NHERF2: variants seen among roughly 807,000 people sequenced by gnomAD.
NHERF2 encodes the protein Na(+)/H(+) exchange regulatory cofactor NHE-RF2.
At chr16:2,032,079 G>A in the NHERF2 span, among the ~76,000 whole-genome samples, 2 of 150,358 alleles carry the variant, frequency 1.3e-5, no homozygotes, top group East Asian at 2.0e-4. This position sits in a 1 kb window ranked among gnomAD's most constrained non-coding sequence, Gnocchi z 4.0. Context: ...GAGTGCTGTG[G>A]TGCGATCTCG....
At chr16:2,028,235 C>T in the NHERF2 span, among the ~76,000 whole-genome samples, 1 of 152,236 alleles carries the variant, frequency 6.6e-6, no homozygotes, top group African/African-American at 2.4e-5. Flanking sequence ...TCCTGTTTAC[C>T]TGGTGCCTTG....
chr16:2,035,814 G>T, the NHERF2 span: 15 of 428,978 alleles, frequency 3.5e-5, no homozygotes, highest in South Asian at 9.9e-5. Flanking sequence ...CACGGGGGTG[G>T]GGCGGCTCAT....
chr16:2,028,605 G>T, the NHERF2 span, among the ~76,000 whole-genome samples: 2 of 152,170 alleles, frequency 1.3e-5, no homozygotes, highest in African/African-American at 2.4e-5. Flanking sequence ...GAAGCAGCTG[G>T]GCACTGGGTT....
At chr16:2,035,158 A>G in the NHERF2 span, among the ~76,000 whole-genome samples, 15 of 152,172 alleles carry the variant, frequency 9.9e-5, no homozygotes, top group South Asian at 2.9e-3. Context: ...GGACAGGAGA[A>G]GGGTGTTCCA....
At chr16:2,036,520 G>A in the NHERF2 span, 11 of 1,567,004 alleles carry the variant, frequency 7.0e-6, no homozygotes, top group South Asian at 5.8e-5. Context: ...GCCCACCAGG[G>A]CTGCGGGGTG....
chr16:2,038,019 C>T, the NHERF2 span: 1 of 1,609,532 alleles, frequency 6.2e-7, no homozygotes, highest in South Asian at 1.1e-5. Flanking sequence ...CCTGGGACCC[C>T]TCCCGCACGG....
chr16:2,037,090 A>G, the NHERF2 span: 1 of 1,441,492 alleles, frequency 6.9e-7, no homozygotes, highest in African/African-American at 1.4e-5. Context: ...TCCGTCCTCG[A>G]GGTGTGCTAG....
chr16:2,030,586 C>T, the NHERF2 span, among the ~76,000 whole-genome samples: 1 of 151,924 alleles, frequency 6.6e-6, no homozygotes. Flanking sequence ...TCCTGGAGGC[C>T]CTGATGGCAT....
the NHERF2 span, chr16:2,036,455 C>A: frequency 6.2e-7 from 1 of 1,603,400 alleles, no homozygotes; most frequent in Non-Finnish European, 8.5e-7. Flanking sequence ...TGGACCCGGG[C>A]TCACCTGCCG....
the NHERF2 span, chr16:2,035,493 C>A: frequency 1.0e-6 from 1 of 986,424 alleles, no homozygotes; most frequent in Non-Finnish European, 1.2e-6. Flanking sequence ...GTCTCCCCTG[C>A]GCACGCCCTC....
At chr16:2,029,661 G>A in the NHERF2 span, 64 of 1,567,146 alleles carry the variant, frequency 4.1e-5, no homozygotes, top group Admixed American at 9.5e-5. Context: ...GAGCTCCGCC[G>A]GCGGCAGCTG....
the NHERF2 span, among the ~76,000 whole-genome samples, chr16:2,027,561 G>A: frequency 6.6e-6 from 1 of 152,274 alleles, no homozygotes; most frequent in African/African-American, 2.4e-5. Flanking sequence ...CTGGGTGTGT[G>A]TGTACACGTG....
the NHERF2 span, chr16:2,032,709 G>A: frequency 1.6e-6 from 1 of 640,386 alleles, no homozygotes; most frequent in Non-Finnish European, 1.9e-6. The surrounding 1 kb of genome is among the most constrained non-coding windows in gnomAD (Gnocchi z 4.0). Context: ...AGTTAGTGAT[G>A]ACTCAGCCCT....
the NHERF2 span, chr16:2,027,003 G>A: frequency 1.1e-5 from 12 of 1,141,042 alleles, no homozygotes; most frequent in East Asian, 4.2e-5. Context: ...GGCAGCGGGC[G>A]CCATGGCCGC....
the NHERF2 span, chr16:2,032,853 C>G: frequency 6.9e-6 from 7 of 1,010,314 alleles, no homozygotes; most frequent in Non-Finnish European, 8.3e-6. This position sits in a 1 kb window ranked among gnomAD's most constrained non-coding sequence, Gnocchi z 4.0. Context: ...ACCCTGAGCC[C>G]TCTGCCCCCT....
chr16:2,037,891 C>G, the NHERF2 span: 1 of 1,608,788 alleles, frequency 6.2e-7, no homozygotes. Flanking sequence ...CCACGGCGGC[C>G]GAGGCCAAGG....
At chr16:2,029,385 G>A in the NHERF2 span, 163 of 600,162 alleles carry the variant, frequency 2.7e-4, 1 homozygote, top group African/African-American at 2.7e-3. Context: ...CTCAGTGTCC[G>A]GAGCCTGAGT....
the NHERF2 span, chr16:2,026,977 C>G: frequency 2.0e-6 from 2 of 1,000,766 alleles, no homozygotes; most frequent in African/African-American, 3.5e-5. Context: ...GCGCCCCTGC[C>G]CGCGGGCGGC....
the NHERF2 span, among the ~76,000 whole-genome samples, chr16:2,030,938 C>CA: frequency 4.1e-4 from 61 of 148,450 alleles, no homozygotes; most frequent in South Asian, 4.2e-3. Context: ...GAGACTGTCT[C>CA]AAAAAAAAAC....
Sources: gnomAD v4.1 joint callset for allele counts (sites outside exome capture counted in the v4.1 genomes callset) on GRCh38, gnomAD v4.1.1 for gene constraint, Gnocchi (gnomAD v3.1) non-coding constraint, MANE v1.5 for transcripts, NCBI Gene and HGNC (gene_info 2026-07-23, HGNC 2026-07-21) for gene names.